NAV1: variants seen among roughly 807,000 people sequenced by gnomAD.
NAV1 encodes neuron navigator 1, also known as pore membrane and/or filament interacting like protein 3.
NAV1 carries 18 observed loss-of-function variants against 175.2 expected under a neutral mutation model. That is an observed-to-expected ratio of 0.10 (90% CI 0.07 to 0.15). NAV1 has a LOEUF of 0.15. Among genes scored for constraint, NAV1 ranks in the 10% least tolerant of loss-of-function variants. NAV1 has a pLI of 1.00. For synonymous variants in NAV1, 897 were observed against 978.7 expected, an observed-to-expected ratio of 0.92 and a Z score of 1.56; for missense variants, 1,731 against 2,436.6, an observed-to-expected ratio of 0.71 and a Z score of 6.10.
At position 201,759,560 on chromosome 1, in the gene NAV1, T is replaced by C. The variant is rs144314875; in HGVS notation, c.1227-20861T>C. Among the ~76,000 whole-genome samples the C allele has an allele frequency of 4.8e-4, 73 of 152,336 alleles. 1 individual carries two copies. The East Asian group carries it at 0.012, about 25-fold the overall frequency. On this transcript the variant is annotated intron_variant, in intron 3 of 29. Transcript: ENST00000367296. The stretch of plus-strand genomic sequence containing the variant: ...TTCAGTAAAACTGCAGATTTTCCTT[T>C]GATTTCATGCAGGACACTGCTGCAT...
chr1:201,644,053 C>CT (rs1668895529), upstream of NAV1, among the ~76,000 whole-genome samples: 1 of 152,156 alleles, frequency 6.6e-6, no homozygotes, highest in Non-Finnish European at 1.5e-5. Flanking sequence ...CTTTGGGGCG[C>CT]TGAGGATTGG....
chr1:201,757,981 G>A (rs1027710008), intron 3 of NAV1, among the ~76,000 whole-genome samples: 22 of 152,186 alleles, frequency 1.4e-4, no homozygotes, highest in African/African-American at 5.1e-4. Context: ...AAGAGCCACA[G>A]GGCCTCCTGC....
chr1:201,788,754 C>T lies in NAV1; in HGVS notation c.3166+116C>T. The T allele has an allele frequency of 1.6e-6, 2 of 1,251,268 alleles. No individual in the cohort carries two copies. Among genetic ancestry groups the T allele is most frequent in the Non-Finnish European group, 2.2e-6 (2 of 912,404 alleles). 77.5% of individuals were successfully genotyped at this position (1,251,268 alleles called of 1,614,324 possible). ...CACACATATATGATTCACAGAACAT[C>T]AAGTTGGGCCATTTCAGTTTTTTCT... On this transcript the variant is annotated intron_variant, in intron 10 of 29. Transcript: ENST00000367296. This position sits in a 1 kb window ranked among gnomAD's most constrained non-coding sequence, Gnocchi z 5.7.
At chr1:201,556,429 A>C (rs1666014257) in intron 1 of NAV1, among the ~76,000 whole-genome samples, 1 of 152,048 alleles carries the variant, frequency 6.6e-6, no homozygotes, top group Non-Finnish European at 1.5e-5. Flanking sequence ...AAAAAGAAAA[A>C]AAAAAAAAGG....
chr1:201,660,734 A>G (rs1669576605), intron 1 of NAV1, among the ~76,000 whole-genome samples: 1 of 152,204 alleles, frequency 6.6e-6, no homozygotes, highest in South Asian at 2.1e-4. Context: ...GCGTAAACCC[A>G]TTTTATCCTC....
chr1:201,655,691 G>C (rs1669377480), intron 1 of NAV1, among the ~76,000 whole-genome samples: 1 of 152,212 alleles, frequency 6.6e-6, no homozygotes, highest in African/African-American at 2.4e-5. Flanking sequence ...GATGCCCCAG[G>C]AACTGTTTTG....
intron 3 of NAV1, among the ~76,000 whole-genome samples, chr1:201,759,129 C>CA (rs74808040): frequency 1.3e-5 from 2 of 152,120 alleles, no homozygotes. Context: ...TCCCCCCTCC[C>CA]AAAAAAAGAT....
chr1:201,696,126 C>T (rs1166020822), intron 1 of NAV1, among the ~76,000 whole-genome samples: 1 of 152,050 alleles, frequency 6.6e-6, no homozygotes, highest in African/African-American at 2.4e-5. Context: ...AGGGCAGACT[C>T]AGGGAGTGGG....
intron 3 of NAV1, among the ~76,000 whole-genome samples, chr1:201,765,381 C>CTTTTTTTTTTTTTT (rs59583786): frequency 1.7e-4 from 17 of 98,616 alleles, no homozygotes; most frequent in South Asian, 6.9e-4. Context: ...AGGAAATATT[C>CTTTTTTTTTTTTTT]TTTTTTTTTT....
chr1:201,731,122 T>C (rs1450929007), intron 3 of NAV1, among the ~76,000 whole-genome samples: 1 of 152,020 alleles, frequency 6.6e-6, no homozygotes, highest in East Asian at 1.9e-4. Context: ...TCACTGAATA[T>C]GCAGGGCAGG....
At chr1:201,716,942 G>A (rs1215258587) in intron 2 of NAV1, among the ~76,000 whole-genome samples, 2 of 152,102 alleles carry the variant, frequency 1.3e-5, no homozygotes, top group African/African-American at 4.8e-5. Flanking sequence ...GCATGGACAC[G>A]GTCAGGAAGC....
At chr1:201,697,934 T>C (rs1395837978) in intron 1 of NAV1, among the ~76,000 whole-genome samples, 1 of 152,182 alleles carries the variant, frequency 6.6e-6, no homozygotes, top group Non-Finnish European at 1.5e-5. Flanking sequence ...TCAGCTGTTA[T>C]TTCATTTTAT....
rs144146061 is a variant in NAV1 at position 201,559,826 on chromosome 1, C to G, written c.-144+20484C>G. Among the ~76,000 whole-genome samples, 164 of 152,290 alleles carry G rather than the reference C, an allele frequency of 1.1e-3. 1 individual carries two copies. Among genetic ancestry groups the G allele is most frequent in the South Asian group, 7.3e-3 (35 of 4,824 alleles). On this transcript the variant is annotated intron_variant, in intron 1 of 33. Coordinates refer to the NAV1 transcript ENST00000685211. Reference sequence around the variant, plus strand: ...GCATGGCCTTGCATCTTCCTGTTGCCGCCACCAGAGGGTGCAGTTGCCCAG... The same window carrying G: ...GCATGGCCTTGCATCTTCCTGTTGCGGCCACCAGAGGGTGCAGTTGCCCAG...
chr1:201,797,783 T>C (rs1571503080), intron 15 of NAV1: 2 of 152,374 alleles, frequency 1.3e-5, no homozygotes, highest in East Asian at 3.9e-4. Flanking sequence ...TTTTGAGTTA[T>C]AGATTACTAG....
chr1:201,590,256 C>A (rs187157889), intron 2 of NAV1, among the ~76,000 whole-genome samples: 41 of 152,282 alleles, frequency 2.7e-4, no homozygotes, highest in African/African-American at 9.9e-4. Flanking sequence ...ATGGTAAGCA[C>A]CCAAGGCCAT....
rs1025126984 is a variant in NAV1, at chr1:201,694,040, G to A, written c.758-18777G>A. ...GTCTCCACAGTGTGTCCCCCAGTTT[G>A]GCTTCCTGGTGGGGGAGGGGACACA... On this transcript the variant is annotated intron_variant, in intron 1 of 29. Transcript: ENST00000367296. The surrounding 1 kb of genome is among the most constrained non-coding windows in gnomAD (Gnocchi z 4.2). 4.6e-5 allele frequency among the ~76,000 whole-genome samples: 7 copies of A among 152,234 alleles called. No homozygotes were observed. The highest frequency in any genetic ancestry group is 1.7e-4 in the African/African-American group (7 of 41,468).
At chr1:201,804,590 A>G in intron 17 of NAV1, 93 bp downstream of exon 21, 1 of 1,149,574 alleles carries the variant, frequency 8.7e-7, no homozygotes, top group South Asian at 1.5e-5. Context: ...AAAAAAAAAA[A>G]AAAAAAAAAA....
chr1:201,646,064 T>G (rs1481000001), upstream of NAV1, among the ~76,000 whole-genome samples: 1 of 152,222 alleles, frequency 6.6e-6, no homozygotes, highest in African/African-American at 2.4e-5. Context: ...TTGCTTGAGC[T>G]GGGACCTCAT....
chr1:201,573,276 G>A (rs928543860), intron 1 of NAV1, among the ~76,000 whole-genome samples: 4 of 152,222 alleles, frequency 2.6e-5, no homozygotes, highest in African/African-American at 9.7e-5. Flanking sequence ...CACAGAACGT[G>A]GCTGCTAAGT....
Sources: allele counts gnomAD v4.1 joint callset (sites outside exome capture counted in the v4.1 genomes callset), GRCh38; gene constraint gnomAD v4.1.1; non-coding constraint Gnocchi (gnomAD v3.1); transcripts MANE v1.5; gene names NCBI Gene and HGNC (gene_info 2026-07-23, HGNC 2026-07-21).